The following ERBB4 variants were observed in gnomAD, a reference collection of about 807,000 sequenced individuals.
ERBB4 encodes the protein erb-b2 receptor tyrosine kinase 4.
ERBB4 carries 42 observed loss-of-function variants against 158.0 expected under a neutral mutation model. The observed-to-expected ratio is 0.27, with a 90% confidence interval of 0.21 to 0.34. The LOEUF (loss-of-function observed/expected upper bound fraction) is 0.34, where lower values mean the gene tolerates loss of function less well. ERBB4 is among the 10% of genes least tolerant of loss of function. The pLI, the probability that ERBB4 is intolerant of heterozygous loss-of-function variation, is 1.00. For missense variants in ERBB4, 1,333 were observed against 1,624.1 expected, an observed-to-expected ratio of 0.82 and a Z score of 3.08; for synonymous variants, 583 against 558.7, an observed-to-expected ratio of 1.04 and a Z score of -0.61.
intron 1 of ERBB4, among the ~76,000 whole-genome samples, chr2:212,534,326 T>G (rs180897780): frequency 6.6e-6 from 1 of 152,312 alleles, no homozygotes; most frequent in African/African-American, 2.4e-5. Context: ...ATTGCCTCAC[T>G]AGCATTTTTT....
At position 212,009,848 on chromosome 2, in the gene ERBB4, C is replaced by T. The variant is rs2076342372; in HGVS notation, c.235-62232G>A. ...TAAATGTCCCGGACATTTGTATCCT[C>T]CCACCTGTCTGTACTCCTACTAATC... On this transcript the variant is annotated intron_variant, in intron 2 of 27. Coordinates refer to ENST00000342788, the MANE Select transcript of ERBB4 (RefSeq NM_005235.3). Among the ~76,000 whole-genome samples the T allele has an allele frequency of 2.0e-5, 3 of 152,242 alleles. 1 individual carries two copies. Among genetic ancestry groups the T allele is most frequent in the African/African-American group, 7.2e-5 (3 of 41,536 alleles).
chr2:212,472,534 T>TA (rs531185412), intron 1 of ERBB4, among the ~76,000 whole-genome samples: 66 of 147,954 alleles, frequency 4.5e-4, no homozygotes, highest in East Asian at 1.2e-3. Flanking sequence ...AGTTCCATAT[T>TA]AAAAAAAAAA....
At chr2:211,884,174 A>G (rs1238291675) in intron 3 of ERBB4, among the ~76,000 whole-genome samples, 1 of 152,210 alleles carries the variant, frequency 6.6e-6, no homozygotes, top group Non-Finnish European at 1.5e-5. Flanking sequence ...CACTCTGGAT[A>G]CATGATTCCT....
At chr2:212,276,521 T>C (rs980252187) in intron 1 of ERBB4, among the ~76,000 whole-genome samples, 2 of 151,762 alleles carry the variant, frequency 1.3e-5, no homozygotes, top group African/African-American at 4.8e-5. Flanking sequence ...AAACCAGTCA[T>C]TCACAAAGGG....
At chr2:211,646,973 G>A (rs2105870680) in intron 16 of ERBB4, among the ~76,000 whole-genome samples, 1 of 151,704 alleles carries the variant, frequency 6.6e-6, no homozygotes, top group South Asian at 2.1e-4. Context: ...CAGACCATCT[G>A]TCTCCTCATA....
intron 20 of ERBB4, among the ~76,000 whole-genome samples, chr2:211,491,013 G>T (rs1283680282): frequency 6.6e-6 from 1 of 152,050 alleles, no homozygotes; most frequent in Non-Finnish European, 1.5e-5. Context: ...CAGAGACCCT[G>T]CTAGGATCCT....
intron 14 of ERBB4, among the ~76,000 whole-genome samples, chr2:211,672,769 CT>C (rs943841880): frequency 1.3e-5 from 2 of 152,122 alleles, no homozygotes; most frequent in Non-Finnish European, 2.9e-5. Flanking sequence ...TCTCTATAGC[CT>C]ATCTTGATGT....
At chr2:212,412,804 G>C (rs2091535301) in intron 1 of ERBB4, among the ~76,000 whole-genome samples, 1 of 152,134 alleles carries the variant, frequency 6.6e-6, no homozygotes, top group Admixed American at 6.5e-5. Flanking sequence ...TCACAAAGTA[G>C]ATTAAATGCA....
chr2:212,417,839 A>G (rs181878953), intron 1 of ERBB4, among the ~76,000 whole-genome samples: 1,985 of 152,106 alleles, frequency 0.013, 16 homozygotes, highest in Middle Eastern at 0.037. Context: ...GCTAACTATT[A>G]ATATTTGTAT....
intron 1 of ERBB4, among the ~76,000 whole-genome samples, chr2:212,478,879 G>A (rs1689541767): frequency 6.6e-6 from 1 of 152,034 alleles, no homozygotes; most frequent in South Asian, 2.1e-4. Context: ...TGAGTTTGTG[G>A]GCAGGAATGA....
chr2:212,197,134 C>T (rs1338333499), intron 1 of ERBB4, among the ~76,000 whole-genome samples: 2 of 152,124 alleles, frequency 1.3e-5, no homozygotes, highest in African/African-American at 4.8e-5. Flanking sequence ...TGTAGTGTCC[C>T]AGCTGACATC....
chr2:212,244,769 G>T (rs1324135474), intron 1 of ERBB4, among the ~76,000 whole-genome samples: 2 of 151,956 alleles, frequency 1.3e-5, no homozygotes, highest in East Asian at 3.9e-4. Flanking sequence ...CCAAAACCTT[G>T]CCAGAGAATC....
chr2:211,531,150 T>TA (rs1258250307), intron 20 of ERBB4, among the ~76,000 whole-genome samples: 1 of 152,090 alleles, frequency 6.6e-6, no homozygotes, highest in Non-Finnish European at 1.5e-5. Flanking sequence ...CTTACCATAT[T>TA]AAAAAATCAA....
At chr2:211,716,362 CAAAAAAAAAAAA>C (rs534486221) in intron 7 of ERBB4, among the ~76,000 whole-genome samples, 49 of 69,286 alleles carry the variant, frequency 7.1e-4, no homozygotes, top group Admixed American at 1.5e-3. Flanking sequence ...AACTCTGTCT[CAAAAAAAAAAAA>C]AAAAAAAAAA....
intron 20 of ERBB4, among the ~76,000 whole-genome samples, chr2:211,466,823 T>C (rs1056035244): frequency 6.6e-6 from 1 of 152,128 alleles, no homozygotes; most frequent in Non-Finnish European, 1.5e-5. Context: ...ATAAGTATTA[T>C]GCTGCAGAGA....
At chr2:212,457,716 T>C (rs1267339045) in intron 1 of ERBB4, among the ~76,000 whole-genome samples, 1 of 152,062 alleles carries the variant, frequency 6.6e-6, no homozygotes, top group East Asian at 1.9e-4. Context: ...GCTAGAACCA[T>C]TTGAAAGGAT....
intron 1 of ERBB4, among the ~76,000 whole-genome samples, chr2:212,252,259 T>G (rs1399391623): frequency 6.6e-6 from 1 of 151,992 alleles, no homozygotes; most frequent in East Asian, 1.9e-4. Context: ...CTAGAATTAA[T>G]CCCTGTGGGG....
intron 3 of ERBB4, among the ~76,000 whole-genome samples, chr2:211,928,513 G>C (rs1293181171): frequency 6.6e-6 from 1 of 152,182 alleles, no homozygotes; most frequent in Non-Finnish European, 1.5e-5. Context: ...CTCTCCTGTA[G>C]AAATCTTTTG....
At chr2:212,455,412 G>A (rs1192408780) in intron 1 of ERBB4, among the ~76,000 whole-genome samples, 1 of 152,100 alleles carries the variant, frequency 6.6e-6, no homozygotes, top group African/African-American at 2.4e-5. Flanking sequence ...TTAGCCAGTA[G>A]AACTTTCTGC....
Sources: allele counts gnomAD v4.1 joint callset (sites outside exome capture counted in the v4.1 genomes callset), GRCh38; gene constraint gnomAD v4.1.1; transcripts MANE v1.5; gene names NCBI Gene and HGNC (gene_info 2026-07-23, HGNC 2026-07-21).